NLGN1: variants seen among roughly 807,000 people sequenced by gnomAD.
NLGN1 encodes neuroligin-1.
Under a neutral mutation model 65.5 loss-of-function variants are expected in NLGN1, and 12 were observed. The ratio of observed to expected loss-of-function variants is 0.18; its 90% CI spans 0.12 to 0.30. The LOEUF (loss-of-function observed/expected upper bound fraction) is 0.30. Ranked by LOEUF, NLGN1 falls within the 10% of genes least tolerant of loss-of-function variation. The pLI, the probability that NLGN1 is intolerant of heterozygous loss-of-function variation, is 1.00. For synonymous variants in NLGN1, 350 were observed against 359.5 expected (o/e 0.97, Z 0.30); for missense variants, 750 against 1,007.1 (o/e 0.74, Z 3.46).
chr3:174,116,897 A>G (rs570073801), intron 4 of NLGN1, among the ~76,000 whole-genome samples: 1 of 152,312 alleles, frequency 6.6e-6, no homozygotes, highest in African/African-American at 2.4e-5. Flanking sequence ...ATGATATATG[A>G]AAAAAGATTT....
intron 4 of NLGN1, among the ~76,000 whole-genome samples, chr3:174,254,250 G>A (rs941787766): frequency 6.7e-5 from 10 of 150,306 alleles, no homozygotes; most frequent in Admixed American, 1.3e-4. Context: ...TATAGGGTTC[G>A]CAAACTTGTC....
Position 173,701,796 on chromosome 3 carries a change from T to G in NLGN1, c.493+96705T>G, listed in dbSNP as rs1324404533. On this transcript the variant is annotated intron_variant, in intron 3 of 6. Transcript: ENST00000457714. ...CTTAAGTAACTAATGCCAGTGGAGA[T>G]AAATGACTTGCTTAAGGTAGTACAG... 2.6e-5 allele frequency among the ~76,000 whole-genome samples: 4 copies of G among 152,284 alleles called. No homozygotes were observed. In the East Asian group the frequency reaches 7.7e-4, roughly 29 times the overall value.
intron 4 of NLGN1, among the ~76,000 whole-genome samples, chr3:174,128,005 C>T (rs1719322325): frequency 6.6e-6 from 1 of 152,114 alleles, no homozygotes; most frequent in Non-Finnish European, 1.5e-5. Context: ...TTTGTTCTGT[C>T]ATTTTCTCAA....
intron 2 of NLGN1, among the ~76,000 whole-genome samples, chr3:173,573,354 G>T (rs1372984109): frequency 6.6e-6 from 1 of 152,022 alleles, no homozygotes; most frequent in Non-Finnish European, 1.5e-5. Context: ...AATGAGAGTT[G>T]ATATTATTTT....
At chr3:173,811,270 G>A (rs1260360811) in intron 4 of NLGN1, among the ~76,000 whole-genome samples, 1 of 152,046 alleles carries the variant, frequency 6.6e-6, no homozygotes, top group African/African-American at 2.4e-5. Flanking sequence ...TCTTAGAAAT[G>A]TAGGGAGAAA....
intron 3 of NLGN1, among the ~76,000 whole-genome samples, chr3:173,631,572 A>C (rs1048261055): frequency 6.6e-6 from 1 of 152,148 alleles, no homozygotes; most frequent in African/African-American, 2.4e-5. Context: ...TTCATGAAGC[A>C]GGTTTTTGCC....
chr3:173,465,058 T>A (rs1399769305), intron 2 of NLGN1, among the ~76,000 whole-genome samples: 2 of 152,202 alleles, frequency 1.3e-5, no homozygotes, highest in Non-Finnish European at 2.9e-5. Context: ...CTGGAAACAT[T>A]TTATAATTCC....
intron 4 of NLGN1, among the ~76,000 whole-genome samples, chr3:174,062,860 G>A: frequency 2.0e-5 from 3 of 152,028 alleles, no homozygotes; most frequent in Middle Eastern, 3.4e-3. Context: ...AAATATAATA[G>A]TTATGTGGAA....
chr3:174,002,424 G>A (rs549199689), intron 4 of NLGN1, among the ~76,000 whole-genome samples: 20 of 152,166 alleles, frequency 1.3e-4, no homozygotes, highest in Middle Eastern at 3.4e-3. Context: ...CACCATGCTC[G>A]GATTAAAATC....
At chr3:173,798,603 C>A (rs975990790) in intron 3 of NLGN1, among the ~76,000 whole-genome samples, 2 of 152,044 alleles carry the variant, frequency 1.3e-5, no homozygotes, top group South Asian at 2.1e-4. Context: ...TGTGAACTTG[C>A]AACTGAGTGT....
chr3:173,546,538 C>T (rs1026553211), intron 2 of NLGN1, among the ~76,000 whole-genome samples: 7 of 152,192 alleles, frequency 4.6e-5, no homozygotes, highest in African/African-American at 1.4e-4. Flanking sequence ...AAATCTGAGG[C>T]GTTCTCATAG....
chr3:173,941,779 G>A (rs894112927), intron 4 of NLGN1, among the ~76,000 whole-genome samples: 1 of 151,850 alleles, frequency 6.6e-6, no homozygotes, highest in Non-Finnish European at 1.5e-5. Flanking sequence ...CTGTCCTTCT[G>A]CAATTATTCA....
At chr3:173,783,402 C>G (rs9839084) in intron 3 of NLGN1, among the ~76,000 whole-genome samples, 103,361 of 151,960 alleles carry the variant, frequency 0.68, 35,970 homozygotes, top group Non-Finnish European at 0.76. Flanking sequence ...CTTTCACTCT[C>G]CCTGGCCTCA....
chr3:174,020,140 G>A (rs1306587586), intron 4 of NLGN1, among the ~76,000 whole-genome samples: 3 of 152,038 alleles, frequency 2.0e-5, no homozygotes, highest in South Asian at 2.1e-4. Flanking sequence ...ACATCCATCT[G>A]AACCTTTCAT....
exon 7 of NLGN1, chr3:174,283,294 A>C (rs1418658869): frequency 6.6e-6 from 1 of 151,472 alleles, no homozygotes; most frequent in Non-Finnish European, 1.5e-5. Flanking sequence ...GAAACTCATA[A>C]AAATTATTTA....
intron 2 of NLGN1, among the ~76,000 whole-genome samples, chr3:173,449,754 G>C (rs1721122139): frequency 6.6e-6 from 1 of 152,132 alleles, no homozygotes; most frequent in African/African-American, 2.4e-5. Context: ...TGCTGTATTG[G>C]GTGCGTATAT....
At chr3:173,602,912 T>C (rs1750774620) in intron 2 of NLGN1, among the ~76,000 whole-genome samples, 1 of 152,110 alleles carries the variant, frequency 6.6e-6, no homozygotes, top group African/African-American at 2.4e-5. Context: ...AGCTTGTCTT[T>C]TGTATATTAA....
chr3:174,067,175 G>C, intron 4 of NLGN1, among the ~76,000 whole-genome samples: 1 of 152,116 alleles, frequency 6.6e-6, no homozygotes, highest in South Asian at 2.1e-4. Context: ...GTCAGGTTTG[G>C]CAAATCCTGA....
chr3:173,606,126 T>G (rs547492429), intron 3 of NLGN1, among the ~76,000 whole-genome samples: 42 of 152,102 alleles, frequency 2.8e-4, no homozygotes, highest in Non-Finnish European at 4.9e-4. Flanking sequence ...TTTTTCTTAG[T>G]CTTTTCATTT....
Sources: gnomAD v4.1 joint callset for allele counts (sites outside exome capture counted in the v4.1 genomes callset) on GRCh38, gnomAD v4.1.1 for gene constraint, MANE v1.5 for transcripts, NCBI Gene and HGNC (gene_info 2026-07-23, HGNC 2026-07-21) for gene names.